RDX: variants seen among roughly 807,000 people sequenced by gnomAD.
RDX encodes the protein deafness, autosomal recessive 24.
A neutral mutation model predicts 83.7 loss-of-function variants in RDX; 32 were observed. The observed-to-expected ratio is 0.38, with a 90% confidence interval of 0.29 to 0.51. RDX has a LOEUF of 0.51. Among genes scored for constraint, RDX ranks in the 20% least tolerant of loss-of-function variants. The probability of loss-of-function intolerance (pLI) is 0.87; values close to 1 mark genes in which losing one functional copy is unlikely to be tolerated. For synonymous variants in RDX, 229 were observed against 222.7 expected, an observed-to-expected ratio of 1.03 and a Z score of -0.25; for missense variants, 600 against 689.9, an observed-to-expected ratio of 0.87 and a Z score of 1.46.
chr11:110,266,167 AC>A (rs945992376), intron 3 of RDX, among the ~76,000 whole-genome samples: 4 of 150,640 alleles, frequency 2.7e-5, no homozygotes, highest in Non-Finnish European at 4.4e-5. Context: ...TACTAAAAAT[AC>A]AAAAAAAAAA....
Position 110,237,892 on chromosome 11 carries a change from C to A in RDX, c.1091-240G>T, listed in dbSNP as rs1483827153. 5.4e-6 allele frequency: 3 copies of A among 551,300 alleles called. No homozygotes were observed. The Admixed American group carries it at 7.1e-5, about 13-fold the overall frequency. 34.2% of individuals were successfully genotyped at this position (551,300 alleles called of 1,614,324 possible). Reference sequence around the variant, plus strand: ...GCTCGAGCAATCCTCCCGCCTCAGCCTCCCAAGTAGCTAGGACTACAGGCG... The same window carrying A: ...GCTCGAGCAATCCTCCCGCCTCAGCATCCCAAGTAGCTAGGACTACAGGCG... On this transcript the variant is annotated intron_variant, in intron 10 of 13. Transcript: ENST00000645495.
At chr11:110,281,655 T>C (rs1860766209) in intron 1 of RDX, among the ~76,000 whole-genome samples, 1 of 152,078 alleles carries the variant, frequency 6.6e-6, no homozygotes, top group Admixed American at 6.5e-5. Flanking sequence ...ACCCCTCATT[T>C]CTTAATTCTT....
chr11:110,233,034 A>C (rs1864701715), intron 13 of RDX, among the ~76,000 whole-genome samples: 1 of 152,234 alleles, frequency 6.6e-6, no homozygotes, highest in Admixed American at 6.5e-5. Flanking sequence ...TTAAGGTCTG[A>C]TTATACAAAG....
intron 14 of RDX, among the ~76,000 whole-genome samples, chr11:110,216,558 A>G (rs1388945847): frequency 4.1e-5 from 6 of 147,364 alleles, no homozygotes; most frequent in Non-Finnish European, 7.5e-5. Context: ...TTTTTTTTTA[A>G]ATAGAGAGGA....
chr11:110,271,150 T>G (rs1565326985), intron 3 of RDX, among the ~76,000 whole-genome samples: 1 of 152,224 alleles, frequency 6.6e-6, no homozygotes, highest in Non-Finnish European at 1.5e-5. Flanking sequence ...TCAGGACTTT[T>G]AAATTTATGA....
intron 1 of RDX, among the ~76,000 whole-genome samples, chr11:110,293,564 CCAGAA>C (rs1861328660): frequency 1.3e-5 from 2 of 152,090 alleles, no homozygotes; most frequent in African/African-American, 2.4e-5. Flanking sequence ...AAGGAAGTTA[CCAGAA>C]CAGTCTTCAG....
At chr11:110,229,212 G>A (rs77326115), downstream of RDX, among the ~76,000 whole-genome samples, 2 of 151,896 alleles carry the variant, frequency 1.3e-5, no homozygotes, top group East Asian at 1.9e-4. Flanking sequence ...CCTAAATTAC[G>A]TTTTGTTGTC....
intron 15 of RDX, among the ~76,000 whole-genome samples, chr11:110,195,323 C>T (rs1173798496): frequency 1.3e-5 from 2 of 152,180 alleles, no homozygotes; most frequent in Non-Finnish European, 2.9e-5. Flanking sequence ...CTCTAAGCTT[C>T]GGTCCTTGGA....
At chr11:110,241,141 AAAT>A (rs1865082412) in intron 10 of RDX, among the ~76,000 whole-genome samples, 1 of 152,030 alleles carries the variant, frequency 6.6e-6, no homozygotes, top group African/African-American at 2.4e-5. Flanking sequence ...AATAAAAAAT[AAAT>A]AATATAAAAA....
chr11:110,175,796 T>G (rs1862761543), intron 15 of RDX, among the ~76,000 whole-genome samples: 1 of 152,246 alleles, frequency 6.6e-6, no homozygotes, highest in Non-Finnish European at 1.5e-5. Context: ...GAAAAGCTAT[T>G]CAGTAAACTC....
At chr11:110,218,981 G>A (rs1227993025) in intron 14 of RDX, among the ~76,000 whole-genome samples, 1 of 152,128 alleles carries the variant, frequency 6.6e-6, no homozygotes, top group Non-Finnish European at 1.5e-5. Flanking sequence ...CTGCCCTCAT[G>A]GAGCTTACAT....
downstream of RDX, among the ~76,000 whole-genome samples, chr11:110,228,200 A>T (rs1864493988): frequency 6.6e-6 from 1 of 152,088 alleles, no homozygotes; most frequent in Admixed American, 6.5e-5. Context: ...CATATGGAAC[A>T]TGATTGTGAG....
intron 1 of RDX, among the ~76,000 whole-genome samples, chr11:110,294,278 C>T (rs1278068953): frequency 6.6e-6 from 1 of 152,302 alleles, no homozygotes; most frequent in East Asian, 1.9e-4. Context: ...GCCTGTAGTC[C>T]CAGCTACTCG....
chr11:110,276,317 AGTATCTGCATAAGTG>A (rs1349647599), intron 2 of RDX, among the ~76,000 whole-genome samples: 5 of 152,192 alleles, frequency 3.3e-5, no homozygotes, highest in Middle Eastern at 3.2e-3. Context: ...TCACAAATCA[AGTATCTGCATAAGTG>A]TGGATCTAAT....
At chr11:110,215,350 G>A (rs1454112503) in intron 14 of RDX, among the ~76,000 whole-genome samples, 9 of 148,632 alleles carry the variant, frequency 6.1e-5, no homozygotes, top group African/African-American at 4.9e-5. Context: ...GCAACAGAGC[G>A]AGACTCCATC....
chr11:110,272,456 T>G, intron 3 of RDX, 80 bp downstream of exon 3: 4 of 946,554 alleles, frequency 4.2e-6, no homozygotes, highest in Non-Finnish European at 3.4e-6. Flanking sequence ...TCAGCAAAAG[T>G]ACAGAAAAAC....
At chr11:110,243,458 C>T (rs1310919551) in intron 10 of RDX, among the ~76,000 whole-genome samples, 1 of 152,164 alleles carries the variant, frequency 6.6e-6, no homozygotes, top group Admixed American at 6.5e-5. Context: ...TGGCTCAGGC[C>T]TGTAATCCAG....
chr11:110,229,989 G>A lies in RDX; in HGVS notation c.*1880C>T, dbSNP rs1168122304. On this transcript the variant is annotated 3_prime_UTR_variant, in exon 14 of 14. Transcript: ENST00000645495. ...TCTTCCATAGGATTCTGAAGCATGT[G>A]CACAACCATGGTACAACAGTCACTT... 6.6e-6 allele frequency: 1 copy of A among 152,456 alleles called. No homozygotes were observed. The highest frequency in any genetic ancestry group is 1.5e-5 in the Non-Finnish European group (1 of 67,958). The allele number at this position is 152,456 out of a possible 1,614,324, so 9.4% of individuals were successfully genotyped here. A position where few individuals can be genotyped will look rare whatever the true frequency, so the allele number is the denominator to read the frequency against.
chr11:110,211,387 A>G (rs1260737376), intron 14 of RDX, among the ~76,000 whole-genome samples: 1 of 151,366 alleles, frequency 6.6e-6, no homozygotes, highest in African/African-American at 2.4e-5. Flanking sequence ...TAATAATGGG[A>G]GACTTTAACA....
Sources: allele counts gnomAD v4.1 joint callset (sites outside exome capture counted in the v4.1 genomes callset), GRCh38; gene constraint gnomAD v4.1.1; transcripts MANE v1.5; gene names NCBI Gene and HGNC (gene_info 2026-07-23, HGNC 2026-07-21).